The following SYNDIG1 variants were observed in gnomAD, a reference collection of about 807,000 sequenced individuals.
The protein encoded by SYNDIG1 is synapse differentiation-inducing gene protein 1.
SYNDIG1 carries 9 observed loss-of-function variants against 19.4 expected under a neutral mutation model. The ratio of observed to expected loss-of-function variants is 0.46; its 90% CI spans 0.28 to 0.81. The LOEUF (loss-of-function observed/expected upper bound fraction) is 0.81, where lower values mean the gene tolerates loss of function less well. Among genes scored for constraint, SYNDIG1 ranks in the 30% least tolerant of loss-of-function variants. The probability of loss-of-function intolerance (pLI) is 0.12; values close to 1 mark genes in which losing one functional copy is unlikely to be tolerated. For missense variants in SYNDIG1, 311 were observed against 343.3 expected, an observed-to-expected ratio of 0.91 and a Z score of 0.74; for synonymous variants, 141 against 145.9, an observed-to-expected ratio of 0.97 and a Z score of 0.24.
chr20:24,516,013 A>G (rs1232921755), intron 1 of SYNDIG1, among the ~76,000 whole-genome samples: 2 of 152,214 alleles, frequency 1.3e-5, no homozygotes, highest in African/African-American at 4.8e-5. Context: ...GGAACAGAAC[A>G]GAGCCCTCAG....
intron 1 of SYNDIG1, among the ~76,000 whole-genome samples, chr20:24,515,549 C>A (rs1168176783): frequency 6.6e-6 from 1 of 151,646 alleles, no homozygotes; most frequent in African/African-American, 2.4e-5. Flanking sequence ...CAATAACAGA[C>A]AAACAGAGAG....
At chr20:24,619,958 C>T (rs182126084) in intron 3 of SYNDIG1, among the ~76,000 whole-genome samples, 179 of 152,264 alleles carry the variant, frequency 1.2e-3, no homozygotes, top group African/African-American at 4.0e-3. Flanking sequence ...AAACTGAGGC[C>T]GTGGGAGTTT....
intron 3 of SYNDIG1, among the ~76,000 whole-genome samples, chr20:24,611,201 A>G (rs1055554014): frequency 3.9e-5 from 6 of 152,018 alleles, no homozygotes; most frequent in African/African-American, 1.2e-4. Flanking sequence ...TTCTCTCTCT[A>G]TGAAGGCTCC....
chr20:24,544,395 C>T (rs542944814), intron 2 of SYNDIG1, among the ~76,000 whole-genome samples: 2 of 152,238 alleles, frequency 1.3e-5, no homozygotes, highest in East Asian at 1.9e-4. Flanking sequence ...CCAGGCTTTC[C>T]GTCAGTTTGG....
At chr20:24,637,864 A>G (rs1199174087) in intron 3 of SYNDIG1, among the ~76,000 whole-genome samples, 1 of 152,164 alleles carries the variant, frequency 6.6e-6, no homozygotes, top group African/African-American at 2.4e-5. Flanking sequence ...ACACCCCTCA[A>G]CTATCTGTAG....
At chr20:24,638,037 G>T (rs1568708643) in intron 3 of SYNDIG1, among the ~76,000 whole-genome samples, 1 of 152,244 alleles carries the variant, frequency 6.6e-6, no homozygotes, top group Non-Finnish European at 1.5e-5. Context: ...CCGAGAGAGT[G>T]TTCCCTCCAA....
intron 1 of SYNDIG1, among the ~76,000 whole-genome samples, chr20:24,501,723 T>G (rs2056458207): frequency 6.6e-6 from 1 of 152,238 alleles, no homozygotes. Flanking sequence ...TTAGTCCCTG[T>G]GCTTCCGATA....
intron 1 of SYNDIG1, among the ~76,000 whole-genome samples, chr20:24,485,797 A>G (rs923716066): frequency 1.3e-5 from 2 of 152,192 alleles, no homozygotes; most frequent in African/African-American, 4.8e-5. Flanking sequence ...TCAGCAGCTC[A>G]GTGCGGTTGG....
intron 3 of SYNDIG1, among the ~76,000 whole-genome samples, chr20:24,605,974 G>A (rs924488802): frequency 4.6e-5 from 7 of 152,166 alleles, no homozygotes; most frequent in Admixed American, 1.3e-4. Flanking sequence ...GCATGCCTCC[G>A]ACAGTAAAGC....
At chr20:24,564,946 C>T (rs770194740) in intron 2 of SYNDIG1, among the ~76,000 whole-genome samples, 15 of 152,274 alleles carry the variant, frequency 9.9e-5, no homozygotes, top group East Asian at 3.9e-4. Flanking sequence ...TACCAGACCC[C>T]GGAAGAACAC....
intron 2 of SYNDIG1, among the ~76,000 whole-genome samples, chr20:24,577,334 G>A (rs1190382898): frequency 2.0e-5 from 3 of 152,222 alleles, no homozygotes; most frequent in Non-Finnish European, 2.9e-5. Flanking sequence ...AGAAGGGGTC[G>A]GGTCTTCTAC....
chr20:24,631,631 C>T (rs1306763255), intron 3 of SYNDIG1, among the ~76,000 whole-genome samples: 4 of 152,186 alleles, frequency 2.6e-5, no homozygotes, highest in African/African-American at 9.6e-5. Context: ...AGCTTTATCA[C>T]GTAAAATCTG....
At chr20:24,568,210 C>G (rs528091255) in intron 2 of SYNDIG1, among the ~76,000 whole-genome samples, 116 of 152,274 alleles carry the variant, frequency 7.6e-4, no homozygotes, top group Non-Finnish European at 1.3e-3. Flanking sequence ...AAGTAGGGGA[C>G]ATCGTTGCAC....
At chr20:24,636,374 C>T (rs975678850) in intron 3 of SYNDIG1, among the ~76,000 whole-genome samples, 1 of 152,124 alleles carries the variant, frequency 6.6e-6, no homozygotes, top group Non-Finnish European at 1.5e-5. Context: ...GAAAAGAGAA[C>T]AGCTCTCTCT....
At chr20:24,575,959 G>GC (rs1380070373) in intron 2 of SYNDIG1, among the ~76,000 whole-genome samples, 1 of 151,996 alleles carries the variant, frequency 6.6e-6, no homozygotes, top group Non-Finnish European at 1.5e-5. Flanking sequence ...ACCACCACTT[G>GC]CCCCTTCATG....
At chr20:24,541,767 A>G (rs1250862258) in intron 1 of SYNDIG1, among the ~76,000 whole-genome samples, 3 of 152,222 alleles carry the variant, frequency 2.0e-5, no homozygotes, top group Admixed American at 2.0e-4. Flanking sequence ...TCGACTGAGA[A>G]AAAAATAAAT....
intron 3 of SYNDIG1, among the ~76,000 whole-genome samples, chr20:24,664,455 G>A (rs746157890): frequency 5.1e-4 from 77 of 152,272 alleles, no homozygotes; most frequent in Non-Finnish European, 8.1e-4. Context: ...GGGGGCCCGC[G>A]GGTGGCTTGG....
intron 2 of SYNDIG1, among the ~76,000 whole-genome samples, chr20:24,551,227 C>T (rs1051060796): frequency 3.4e-4 from 52 of 152,138 alleles, no homozygotes; most frequent in African/African-American, 1.3e-3. Flanking sequence ...GAAGATCGTC[C>T]TTTATTCTTG....
chr20:24,629,460 T>C (rs2059207736), intron 3 of SYNDIG1, among the ~76,000 whole-genome samples: 1 of 150,878 alleles, frequency 6.6e-6, no homozygotes, highest in African/African-American at 2.4e-5. Context: ...CAAGAAGAAA[T>C]TGAGACAGGA....
Sources: gnomAD v4.1 joint callset for allele counts (sites outside exome capture counted in the v4.1 genomes callset) on GRCh38, gnomAD v4.1.1 for gene constraint, MANE v1.5 for transcripts, NCBI Gene and HGNC (gene_info 2026-07-23, HGNC 2026-07-21) for gene names.